FSTL4: variants seen among roughly 807,000 people sequenced by gnomAD.
The protein encoded by FSTL4 is follistatin like 4.
A neutral mutation model predicts 78.2 loss-of-function variants in FSTL4; 28 were observed. The observed-to-expected ratio is 0.36, with a 90% confidence interval of 0.27 to 0.49. The LOEUF (loss-of-function observed/expected upper bound fraction) is 0.49. FSTL4 is among the 20% of genes least tolerant of loss of function. The pLI is 0.98. For synonymous variants in FSTL4, 422 were observed against 440.5 expected (o/e 0.96, Z 0.53); for missense variants, 922 against 1,084.9 (o/e 0.85, Z 2.11).
At chr5:133,597,761 A>G (rs778945883) in intron 2 of FSTL4, among the ~76,000 whole-genome samples, 2 of 152,150 alleles carry the variant, frequency 1.3e-5, no homozygotes, top group Non-Finnish European at 2.9e-5. Flanking sequence ...CAAGACTCCA[A>G]AACAGCTCAC....
At chr5:133,204,643 C>A (rs954476896) in intron 14 of FSTL4, among the ~76,000 whole-genome samples, 1 of 151,884 alleles carries the variant, frequency 6.6e-6, no homozygotes, top group Non-Finnish European at 1.5e-5. Flanking sequence ...ACCAGCCTGG[C>A]CAACATGGTG....
chr5:133,795,804 C>T, the FSTL4 span, among the ~76,000 whole-genome samples: 1 of 152,232 alleles, frequency 6.6e-6, no homozygotes, highest in Non-Finnish European at 1.5e-5. Context: ...CTCTTCCATG[C>T]AGCCTAAATT....
intron 3 of FSTL4, among the ~76,000 whole-genome samples, chr5:133,497,167 A>T (rs917623030): frequency 3.3e-5 from 5 of 152,202 alleles, no homozygotes; most frequent in African/African-American, 4.8e-5. Context: ...CTACCACAGC[A>T]TTAGCTGAGA....
chr5:133,458,829 G>A (rs1311962353), intron 3 of FSTL4, among the ~76,000 whole-genome samples: 1 of 152,202 alleles, frequency 6.6e-6, no homozygotes, highest in African/African-American at 2.4e-5. Context: ...CTTTTAGATT[G>A]TTTCAAGCGT....
chr5:133,834,059 A>T, the FSTL4 span, among the ~76,000 whole-genome samples: 1 of 152,244 alleles, frequency 6.6e-6, no homozygotes, highest in Non-Finnish European at 1.5e-5. Context: ...AAAGTCTGAG[A>T]AATATTCAGT....
chr5:133,634,959 A>G, the FSTL4 span, among the ~76,000 whole-genome samples: 1 of 152,152 alleles, frequency 6.6e-6, no homozygotes, highest in South Asian at 2.1e-4. Flanking sequence ...TATTGTTTTT[A>G]AAACAATAGA....
intron 3 of FSTL4, among the ~76,000 whole-genome samples, chr5:133,480,109 G>A (rs1310050548): frequency 3.9e-5 from 6 of 152,166 alleles, no homozygotes; most frequent in African/African-American, 2.4e-5. Flanking sequence ...GACCCCAGGC[G>A]AAGTTGACCC....
At chr5:133,445,365 C>T (rs561309140) in intron 3 of FSTL4, among the ~76,000 whole-genome samples, 47 of 151,752 alleles carry the variant, frequency 3.1e-4, no homozygotes, top group African/African-American at 1.1e-3. Flanking sequence ...ATCACTGCTG[C>T]GGGGCAGCAC....
chr5:133,312,810 C>T, intron 5 of FSTL4, 33 bp from the exon 6 acceptor site: 2 of 1,612,490 alleles, frequency 1.2e-6, no homozygotes, highest in Non-Finnish European at 1.7e-6. Flanking sequence ...AGGCCAGAAT[C>T]AGATGAGTTT....
the FSTL4 span, among the ~76,000 whole-genome samples, chr5:133,761,717 G>A: frequency 1.3e-5 from 2 of 152,168 alleles, no homozygotes; most frequent in Admixed American, 6.5e-5. Context: ...TTGGCCCAGT[G>A]TTGGACAGGC....
At chr5:133,394,473 G>A (rs10036509) in intron 4 of FSTL4, among the ~76,000 whole-genome samples, 45,619 of 152,172 alleles carry the variant, frequency 0.3, 7,149 homozygotes, top group Middle Eastern at 0.38. Context: ...CACTGGCCCC[G>A]GACAGCGAGG....
chr5:133,788,897 T>C, the FSTL4 span, among the ~76,000 whole-genome samples: 1 of 152,184 alleles, frequency 6.6e-6, no homozygotes. Context: ...CTCGTTTTTA[T>C]TGGAAGAAGG....
chr5:133,783,252 C>T, the FSTL4 span, among the ~76,000 whole-genome samples: 1 of 152,158 alleles, frequency 6.6e-6, no homozygotes, highest in African/African-American at 2.4e-5. Context: ...TGCTCTCTCA[C>T]GTGACTTCTA....
At chr5:133,702,053 C>T in the FSTL4 span, among the ~76,000 whole-genome samples, 2 of 152,218 alleles carry the variant, frequency 1.3e-5, no homozygotes, top group African/African-American at 4.8e-5. Context: ...GACTTCTCTC[C>T]AGCTTTTGTA....
At chr5:133,783,736 G>A in the FSTL4 span, among the ~76,000 whole-genome samples, 1 of 152,174 alleles carries the variant, frequency 6.6e-6, no homozygotes, top group African/African-American at 2.4e-5. Context: ...ATCCTCAAGT[G>A]GTTTGGGGAA....
chr5:133,798,659 G>A, the FSTL4 span, among the ~76,000 whole-genome samples: 3 of 152,012 alleles, frequency 2.0e-5, no homozygotes, highest in African/African-American at 4.8e-5. Flanking sequence ...ACAACCTCAC[G>A]ACATCCTGCG....
chr5:133,759,412 T>G, the FSTL4 span, among the ~76,000 whole-genome samples: 4 of 152,158 alleles, frequency 2.6e-5, no homozygotes, highest in South Asian at 2.1e-4. Flanking sequence ...GATCTCAACA[T>G]GTAACTACCT....
intron 4 of FSTL4, among the ~76,000 whole-genome samples, chr5:133,356,676 TGCCACAA>T (rs1394656558): frequency 1.3e-5 from 2 of 152,230 alleles, no homozygotes; most frequent in South Asian, 4.1e-4. Flanking sequence ...ACTGCAGGGT[TGCCACAA>T]GACTAGAAAC....
the FSTL4 span, among the ~76,000 whole-genome samples, chr5:133,799,830 C>G: frequency 7.2e-6 from 1 of 138,962 alleles, no homozygotes; most frequent in East Asian, 2.0e-4. Context: ...CTACAGTAGC[C>G]CCACAAAAAA....
Sources: allele counts gnomAD v4.1 joint callset (sites outside exome capture counted in the v4.1 genomes callset), GRCh38; gene constraint gnomAD v4.1.1; transcripts MANE v1.5; gene names NCBI Gene and HGNC (gene_info 2026-07-23, HGNC 2026-07-21).